EIF4G1: variants seen among roughly 807,000 people sequenced by gnomAD.
The protein encoded by EIF4G1 is EIF4-gamma.
A neutral mutation model predicts 187.8 loss-of-function variants in EIF4G1; 4 were observed. That is an observed-to-expected ratio of 0.02 (90% CI 0.01 to 0.05). EIF4G1 has a LOEUF of 0.05. EIF4G1 is among the 10% of genes least tolerant of loss of function. The probability of loss-of-function intolerance (pLI) is 1.00; values close to 1 mark genes in which losing one functional copy is unlikely to be tolerated. For synonymous variants in EIF4G1, 844 were observed against 781.4 expected, an observed-to-expected ratio of 1.08 and a Z score of -1.34; for missense variants, 1,647 against 2,081.1, an observed-to-expected ratio of 0.79 and a Z score of 4.06.
At chr3:184,320,606 C>T (rs771920568) in intron 7 of EIF4G1, 24 bp from the exon 8 acceptor site, 3 of 1,614,026 alleles carry the variant, frequency 1.9e-6, no homozygotes, top group African/African-American at 1.3e-5. Context: ...GCTTCCCACT[C>T]ATCTTATAGC....
intron 16 of EIF4G1, 103 bp downstream of exon 16, chr3:184,324,080 T>C: frequency 6.2e-7 from 1 of 1,605,756 alleles, no homozygotes; most frequent in South Asian, 1.1e-5. Flanking sequence ...TTGTGCCTCT[T>C]CCAGCTGGAA....
Position 184,326,137 on chromosome 3 carries a change from A to AACACACACAC in EIF4G1, c.3222+209_3222+218dup, listed in dbSNP as rs34901174. On this transcript the variant is annotated intron_variant, in intron 21 of 32. Coordinates refer to ENST00000346169, the MANE Select transcript of EIF4G1 (RefSeq NM_198241.3). Reference sequence around the variant, plus strand: ...CATTAGTCTGGACCAGTGTTTGGCAAACACACACACACACACACACACACA... The same window carrying AACACACACAC: ...CATTAGTCTGGACCAGTGTTTGGCAAACACACACACACACACACACACACACACACACACA... Among the ~76,000 whole-genome samples the AACACACACAC allele has an allele frequency of 4.9e-3, 721 of 147,044 alleles. 7 individuals carry two copies. The highest frequency in any genetic ancestry group is 0.017 in the African/African-American group (677 of 40,118).
rs901341866 is a variant in EIF4G1, at chr3:184,324,206, A to C, written c.2478A>C (p.Lys826Asn). Residue 826 changes from lysine (K) to asparagine (N), a missense_variant, in exon 17 of 33, where the codon AAA becomes AAC. Lys to Asn is a moderately conservative substitution (Grantham distance 94, BLOSUM62 0). Around this residue, in one of 11 missense-constraint regions of EIF4G1, gnomAD observed 36 missense variants for 87.6 expected, o/e 0.41. Transcript: ENST00000346169. ...ACATTCTCTCTGACCTACAGCTGAAAGTGCCCACTACGGAAAAGCCAACAG... is the reference window on the plus strand; with the variant it reads ...ACATTCTCTCTGACCTACAGCTGAACGTGCCCACTACGGAAAAGCCAACAG... ...ANMCRCLMAL[K>N]VPTTEKPTVT... 1.9e-6 allele frequency: 3 copies of C among 1,614,128 alleles called. No individual in the cohort carries two copies. Among genetic ancestry groups the C allele is most frequent in the African/African-American group, 2.7e-5 (2 of 74,948 alleles).
rs910366343 is a variant in EIF4G1 at position 184,326,518 on chromosome 3, C to G, written c.3223-9C>G. 1.2e-6 allele frequency: 2 copies of G among 1,613,606 alleles called. No homozygotes were observed. The highest frequency in any genetic ancestry group is 1.7e-6 in the Non-Finnish European group (2 of 1,179,788). ...GGACCTATGATTCTACTCCCCTTTTCTTCTTCAGCCTGGCTCCATCGATTC... is the reference window on the plus strand; with the variant it reads ...GGACCTATGATTCTACTCCCCTTTTGTTCTTCAGCCTGGCTCCATCGATTC... On this transcript the variant is annotated splice_polypyrimidine_tract_variant and intron_variant, in intron 21 of 32. Coordinates refer to ENST00000346169, the MANE Select transcript of EIF4G1 (RefSeq NM_198241.3).
intron 28 of EIF4G1, among the ~76,000 whole-genome samples, chr3:184,329,401 C>T (rs1309546061): frequency 2.0e-5 from 3 of 152,206 alleles, no homozygotes; most frequent in South Asian, 2.1e-4. Flanking sequence ...GAGAGGCCGA[C>T]GTGGGTGGAT....
Position 184,332,098 on chromosome 3 carries a change from G to T in EIF4G1, c.4618+12G>T. 6.2e-7 allele frequency: 1 copy of T among 1,614,200 alleles called. No homozygotes were observed. Among genetic ancestry groups the T allele is most frequent in the East Asian group, 2.2e-5 (1 of 44,876 alleles). On this transcript the variant is annotated intron_variant, in intron 32 of 32. Coordinates refer to ENST00000346169, the MANE Select transcript of EIF4G1 (RefSeq NM_198241.3). ...AGAACAGCCTCCCAGTAAGAGCCAG[G>T]CCATGGGGACAGGGGTGGGGTGGAG...
chr3:184,330,037 G>A (rs1204359461), intron 28 of EIF4G1, among the ~76,000 whole-genome samples: 2 of 152,148 alleles, frequency 1.3e-5, no homozygotes, highest in Admixed American at 6.5e-5. Flanking sequence ...AACTATTTGT[G>A]TATTTCATCA....
At position 184,326,978 on chromosome 3, in the gene EIF4G1, G is replaced by A; in HGVS notation, c.3423G>A (p.Val1141=). 6 of 1,614,214 alleles carry A rather than the reference G, an allele frequency of 3.7e-6. No homozygotes were observed. The South Asian group carries it at 6.6e-5, about 18-fold the overall frequency. The change falls in exon 23 of 33, where the codon GTG becomes GTA. Residue 1141 remains valine, a synonymous_variant. Coordinates refer to ENST00000346169, the MANE Select transcript of EIF4G1 (RefSeq NM_198241.3). ...AAAGCACAGATAATAGACGTGTGGT[G>A]CAGAGGTGAGGTTTCCTGGACATCT... ...PTESTDNRRV[V]QRSSLSRERG...
rs1188087123 is a variant in EIF4G1 at position 184,319,426 on chromosome 3, G to GAT, written c.425-263_425-262insAT. Among the ~76,000 whole-genome samples, 13 of 112,966 alleles carry GAT rather than the reference G, an allele frequency of 1.2e-4. 1 individual carries two copies. The East Asian group carries it at 3.2e-3, about 28-fold the overall frequency. 74.1% of individuals were successfully genotyped at this position (112,966 alleles called of 152,430 possible). ...TAGGAAAGAGTGCCTGCCTACGAGG[G>GAT]GTGTGTGTGTGTGTGTGTGTGTGTG... is the stretch of plus-strand genomic sequence containing the variant. On this transcript the variant is annotated intron_variant, in intron 6 of 32. Transcript: ENST00000346169.
At chr3:184,320,839 C>G in intron 8 of EIF4G1, 88 bp from the exon 9 acceptor site, 1 of 1,606,780 alleles carries the variant, frequency 6.2e-7, no homozygotes, top group Non-Finnish European at 8.5e-7. Flanking sequence ...TCCTGGATTT[C>G]TAGGCAGAGC....
intron 32 of EIF4G1, among the ~76,000 whole-genome samples, chr3:184,332,370 GTGCCC>G: frequency 6.6e-6 from 1 of 152,316 alleles, no homozygotes; most frequent in East Asian, 1.9e-4. Context: ...CCAGTACCGT[GTGCCC>G]CCACGGCGTG....
At position 184,335,213 on chromosome 3, in the gene EIF4G1, T is replaced by C; in HGVS notation, c.*305T>C. 1 of 367,616 alleles carries C rather than the reference T, an allele frequency of 2.7e-6. No individual in the cohort carries two copies. The highest frequency in any genetic ancestry group is 4.1e-5 in the Admixed American group (1 of 24,114). The allele number at this position is 367,616 out of a possible 1,614,324, so 22.8% of individuals were successfully genotyped here. A position where few individuals can be genotyped will look rare whatever the true frequency, so the allele number is the denominator to read the frequency against. ...CGCCTGCCCCTGGGGTCCTTTTTTT[T>C]ATTTTCTGAAAATCACTCTCGGGAC... On this transcript the variant is annotated 3_prime_UTR_variant, in exon 33 of 33. Coordinates refer to ENST00000346169, the MANE Select transcript of EIF4G1 (RefSeq NM_198241.3).
intron 22 of EIF4G1, 21 bp from the exon 23 acceptor site, chr3:184,326,860 A>G: frequency 6.2e-6 from 10 of 1,613,874 alleles, no homozygotes; most frequent in Non-Finnish European, 8.5e-6. Context: ...AGATTTTAAT[A>G]CGGATTTTCT....
chr3:184,328,132 C>G, intron 26 of EIF4G1, 130 bp downstream of exon 26: 3 of 1,136,016 alleles, frequency 2.6e-6, no homozygotes, highest in East Asian at 2.4e-5. Flanking sequence ...GCCTGTAATC[C>G]CTGCACTTTG....
chr3:184,331,140 C>A, intron 28 of EIF4G1, 126 bp from the exon 29 acceptor site: 1 of 1,005,118 alleles, frequency 9.9e-7, no homozygotes, highest in Non-Finnish European at 1.6e-6. Flanking sequence ...ATTTCTATAG[C>A]ATCCTTAATG....
chr3:184,328,248 T>C (rs1168908195), intron 26 of EIF4G1: 2 of 524,650 alleles, frequency 3.8e-6, no homozygotes, highest in East Asian at 7.3e-5. Context: ...AATACAAAAA[T>C]TAGCCAGGCG....
rs1726797242 is a variant in EIF4G1, at chr3:184,334,638, T to C, written c.4619-89T>C. On this transcript the variant is annotated intron_variant, in intron 32 of 32. Transcript: ENST00000346169. This position sits in a 1 kb window ranked among gnomAD's most constrained non-coding sequence, Gnocchi z 5.8. ...GTCAGGCTGGTGCATCAGGGCCTTG[T>C]TTGAACAGTGGAACTTGGGAGGGTT... is the stretch of plus-strand genomic sequence containing the variant. 1 of 1,535,194 alleles carries C rather than the reference T, an allele frequency of 6.5e-7. No individual in the cohort carries two copies. The highest frequency in any genetic ancestry group is 1.7e-5 in the Admixed American group (1 of 58,376).
chr3:184,320,420 T>C, intron 7 of EIF4G1: 1 of 1,471,942 alleles, frequency 6.8e-7, no homozygotes, highest in Non-Finnish European at 9.0e-7. Flanking sequence ...GGCTGCTCTG[T>C]GAGATCAAGG....
At position 184,315,552 on chromosome 3, in the gene EIF4G1, G is replaced by A. The variant is rs1217234299; in HGVS notation, c.-35+7G>A. The A allele has an allele frequency of 4.0e-6, 3 of 754,270 alleles. No homozygotes were observed. In the Admixed American group the frequency reaches 5.1e-5, roughly 13 times the overall value. The allele number at this position is 754,270 out of a possible 1,614,324, so 46.7% of individuals were successfully genotyped here. A position where few individuals can be genotyped will look rare whatever the true frequency, so the allele number is the denominator to read the frequency against. ...CTTGTTCTTAATCGAGGGGGTGAGT[G>A]AGGGGTCTGTTTCAGTAGGTCAGGG... On this transcript the variant is annotated splice_region_variant and intron_variant, in intron 2 of 32. Coordinates refer to ENST00000346169, the MANE Select transcript of EIF4G1 (RefSeq NM_198241.3).
Sources: allele counts gnomAD v4.1 joint callset (sites outside exome capture counted in the v4.1 genomes callset), GRCh38; gene constraint gnomAD v4.1.1; regional missense constraint gnomAD v4.1.1; non-coding constraint Gnocchi (gnomAD v3.1); transcripts MANE v1.5; gene names NCBI Gene and HGNC (gene_info 2026-07-23, HGNC 2026-07-21).